DNAH9: variants seen among roughly 807,000 people sequenced by gnomAD.
DNAH9 encodes the protein dynein axonemal heavy chain 9.
A neutral mutation model predicts 471.6 loss-of-function variants in DNAH9; 345 were observed. The ratio of observed to expected loss-of-function variants is 0.73; its 90% CI spans 0.67 to 0.80. The LOEUF (loss-of-function observed/expected upper bound fraction) is 0.80, where lower values mean the gene tolerates loss of function less well. Ranked by LOEUF, DNAH9 falls within the 30% of genes least tolerant of loss-of-function variation. DNAH9 has a pLI of 0.00. For synonymous variants in DNAH9, 2,093 were observed against 2,123.6 expected, an observed-to-expected ratio of 0.99 and a Z score of 0.40; for missense variants, 5,407 against 5,609.2, an observed-to-expected ratio of 0.96 and a Z score of 1.15.
At chr17:11,712,408 G>T (rs2074885640) in intron 26 of DNAH9, among the ~76,000 whole-genome samples, 2 of 151,734 alleles carry the variant, frequency 1.3e-5, no homozygotes, top group South Asian at 4.1e-4. Flanking sequence ...ACAAGTCTTT[G>T]TGTGGACATG....
chr17:11,840,799 G>A (rs192948192), intron 49 of DNAH9, among the ~76,000 whole-genome samples: 9 of 152,216 alleles, frequency 5.9e-5, no homozygotes, highest in East Asian at 3.9e-4. Flanking sequence ...ATGGGGCCAC[G>A]AGCCAAGGAA....
chr17:11,800,160 G>A (rs902427041), intron 43 of DNAH9, among the ~76,000 whole-genome samples: 2 of 152,106 alleles, frequency 1.3e-5, no homozygotes, highest in East Asian at 3.9e-4. Flanking sequence ...TAATGAAAGT[G>A]ACAAGAAGAG....
intron 17 of DNAH9, among the ~76,000 whole-genome samples, chr17:11,673,634 TTC>T (rs895272781): frequency 1.3e-5 from 2 of 148,926 alleles, no homozygotes; most frequent in African/African-American, 5.0e-5. Context: ...TCACCTCCCA[TTC>T]TCTCTCTACA....
chr17:11,598,567 A>ATGGGGAACCCGGCGC lies in DNAH9; in HGVS notation c.69_70insTGGGGAACCCGGCGC (p.Arg23_Arg24insTrpGlyThrArgArg). Reference sequence around the variant, plus strand: ...CGGATGGGGAACCCGGCGCCGACCGACGACTGCGACTCCTGGGGACCTACG... The same window carrying ATGGGGAACCCGGCGC: ...CGGATGGGGAACCCGGCGCCGACCGATGGGGAACCCGGCGCCGACTGCGACTCCTGGGGACCTACG... On this transcript the variant is annotated inframe_insertion, in exon 1 of 69. Coordinates refer to ENST00000262442, the MANE Select transcript of DNAH9 (RefSeq NM_001372.4). The ATGGGGAACCCGGCGC allele has an allele frequency of 2.2e-6, 3 of 1,343,594 alleles. No individual in the cohort carries two copies. The highest frequency in any genetic ancestry group is 2.9e-6 in the Non-Finnish European group (3 of 1,035,054). The allele number at this position is 1,343,594 out of a possible 1,614,324, so 83.2% of individuals were successfully genotyped here.
At chr17:11,864,593 C>T (rs1336425341) in intron 50 of DNAH9, among the ~76,000 whole-genome samples, 4 of 152,004 alleles carry the variant, frequency 2.6e-5, no homozygotes, top group African/African-American at 7.3e-5. Context: ...CTTTCTGTCT[C>T]GCTGATCTGT....
At position 11,732,503 on chromosome 17, in the gene DNAH9, G is replaced by T. The variant is rs757024972; in HGVS notation, c.5814+4581G>T. Among the ~76,000 whole-genome samples, 15 of 151,902 alleles carry T rather than the reference G, an allele frequency of 9.9e-5. 1 individual carries two copies. Among genetic ancestry groups the T allele is most frequent in the South Asian group, 2.1e-4 (1 of 4,812 alleles). On this transcript the variant is annotated intron_variant, in intron 28 of 68. Transcript: ENST00000262442. ...CCTCCTCTCCACTGCTTGTCCGTCT[G>T]TGCTCCTCTTCCCAGTAACTCCTAC...
chr17:11,601,463 C>T (rs1441674040), intron 1 of DNAH9, among the ~76,000 whole-genome samples: 1 of 152,166 alleles, frequency 6.6e-6, no homozygotes, highest in Non-Finnish European at 1.5e-5. Context: ...GGAAGATTTA[C>T]TTCCCACTGT....
chr17:11,744,518 G>A (rs1467210048), intron 30 of DNAH9, among the ~76,000 whole-genome samples: 3 of 152,178 alleles, frequency 2.0e-5, no homozygotes, highest in Admixed American at 2.0e-4. Flanking sequence ...GCAAGGAGTA[G>A]CCAGATAGGT....
At position 11,881,409 on chromosome 17, in the gene DNAH9, T is replaced by C; in HGVS notation, c.10802T>C (p.Leu3601Pro). Residue 3601 changes from leucine to proline, a missense_variant, in exon 55 of 69, where the codon CTG becomes CCG. Around this residue, in one of 3 missense-constraint regions of DNAH9, gnomAD observed 4,636 missense variants for 4,900.3 expected, o/e 0.95. Transcript: ENST00000262442. ...VSMERPDLEQ[L>P]KSDLTKQQNG... ...ATGGAGAGGCCAGACTTGGAGCAGC[T>C]GAAGGTGAGGACAGAAGGGAGAAAA... The C allele has an allele frequency of 1.2e-6, 2 of 1,612,194 alleles. No homozygotes were observed. The highest frequency in any genetic ancestry group is 1.7e-6 in the Non-Finnish European group (2 of 1,179,346).
At chr17:11,619,490 T>C in intron 5 of DNAH9, 58 bp from the exon 6 acceptor site, 1 of 955,942 alleles carries the variant, frequency 1.0e-6, no homozygotes, top group Non-Finnish European at 1.7e-6. Flanking sequence ...AGAGTTGGTG[T>C]TGCAAAGTTA....
At chr17:11,765,605 C>G (rs909325986) in intron 36 of DNAH9, among the ~76,000 whole-genome samples, 2 of 152,122 alleles carry the variant, frequency 1.3e-5, no homozygotes, top group Non-Finnish European at 1.5e-5. Context: ...AGACAGATGC[C>G]CTGGAGGCAG....
At chr17:11,933,506 G>A (rs113786879) in intron 64 of DNAH9, among the ~76,000 whole-genome samples, 1,750 of 151,772 alleles carry the variant, frequency 0.012, 32 homozygotes, top group African/African-American at 0.039. Context: ...TCAGCCTCCC[G>A]AGTAGCTGGG....
intron 6 of DNAH9, 53 bp downstream of exon 6, chr17:11,619,834 CA>C (rs1486169341): frequency 1.2e-5 from 13 of 1,063,390 alleles, no homozygotes; most frequent in Non-Finnish European, 1.9e-5. Context: ...AGAAGCAGTC[CA>C]GGGGTCCAAA....
In DNAH9 at chr17:11,638,046, C is replaced by T. The variant is rs566797665; in HGVS notation, c.1786+1262C>T. On this transcript the variant is annotated intron_variant, in intron 9 of 68. Transcript: ENST00000262442. ...ACAAGGTGTGCAGAAGACATTCATT[C>T]GGCCATGGCATTTGAGGTCAGCTTG... Among the ~76,000 whole-genome samples, 70 of 152,300 alleles carry T rather than the reference C, an allele frequency of 4.6e-4. No homozygotes were observed. The Middle Eastern group carries it at 0.01, about 22-fold the overall frequency.
chr17:11,819,760 A>G (rs1440536209), intron 45 of DNAH9, among the ~76,000 whole-genome samples: 2 of 152,222 alleles, frequency 1.3e-5, no homozygotes, highest in African/African-American at 4.8e-5. Context: ...CTGGAAATCA[A>G]GTCTCCTTAT....
intron 5 of DNAH9, among the ~76,000 whole-genome samples, chr17:11,619,327 A>G (rs2072806918): frequency 6.6e-6 from 1 of 152,214 alleles, no homozygotes; most frequent in African/African-American, 2.4e-5. Flanking sequence ...GTCCCTGGCT[A>G]CTTGCCCATT....
Position 11,969,255 on chromosome 17 carries a change from C to A in DNAH9, c.13234-45C>A, listed in dbSNP as rs780570986. ...ACAAGAGCAAGGCTGGTTGGCTGGG[C>A]TCTGGGTCTGATCTAAGGTGCCTCT... On this transcript the variant is annotated intron_variant, in intron 68 of 68. Coordinates refer to ENST00000262442, the MANE Select transcript of DNAH9 (RefSeq NM_001372.4). 4.5e-6 allele frequency: 7 copies of A among 1,566,740 alleles called. No individual in the cohort carries two copies. In the Admixed American group the frequency reaches 1.2e-4, roughly 27 times the overall value.
chr17:11,847,969 T>C (rs1411751706), intron 49 of DNAH9, among the ~76,000 whole-genome samples: 1 of 151,644 alleles, frequency 6.6e-6, no homozygotes, highest in Admixed American at 6.6e-5. Context: ...TCCAGAGGGC[T>C]CTCTGTCTCT....
At chr17:11,903,246 G>A (rs1973474813) in intron 60 of DNAH9, among the ~76,000 whole-genome samples, 1 of 152,160 alleles carries the variant, frequency 6.6e-6, no homozygotes, top group Non-Finnish European at 1.5e-5. Context: ...GGCTGAGGCA[G>A]GGAATTGCTT....
Sources: gnomAD v4.1 joint callset for allele counts (sites outside exome capture counted in the v4.1 genomes callset) on GRCh38, gnomAD v4.1.1 for gene constraint, gnomAD v4.1.1 regional missense constraint, MANE v1.5 for transcripts, NCBI Gene and HGNC (gene_info 2026-07-23, HGNC 2026-07-21) for gene names.